CTNNA3: variants seen among roughly 807,000 people sequenced by gnomAD.
CTNNA3 encodes the protein catenin alpha-3.
A neutral mutation model predicts 95.7 loss-of-function variants in CTNNA3; 76 were observed. That is an observed-to-expected ratio of 0.79 (90% CI 0.66 to 0.96). The LOEUF is 0.96. Ranked by LOEUF, CTNNA3 falls within the 40% of genes least tolerant of loss-of-function variation. The pLI is 0.00. For synonymous variants in CTNNA3, 431 were observed against 374.4 expected (o/e 1.15, Z -1.74); for missense variants, 1,191 against 1,089.8 (o/e 1.09, Z -1.31).
chr10:65,998,669 T>C (rs1051982933), intron 15 of CTNNA3, among the ~76,000 whole-genome samples: 1 of 152,198 alleles, frequency 6.6e-6, no homozygotes. Flanking sequence ...CAAAATACAG[T>C]TGCTTAAGAA....
At chr10:66,370,059 C>A (rs56127430) in intron 12 of CTNNA3, among the ~76,000 whole-genome samples, 11,978 of 152,138 alleles carry the variant, frequency 0.079, 600 homozygotes, top group East Asian at 0.21. Context: ...GAAATGCAAT[C>A]TGATTTACAC....
intron 8 of CTNNA3, among the ~76,000 whole-genome samples, chr10:66,772,770 C>T (rs1840146713): frequency 1.3e-5 from 2 of 152,128 alleles, no homozygotes. Context: ...AATCCAATCA[C>T]CCTCTGAACT....
At chr10:66,649,741 T>C (rs1845829892) in intron 9 of CTNNA3, among the ~76,000 whole-genome samples, 1 of 152,190 alleles carries the variant, frequency 6.6e-6, no homozygotes, top group Admixed American at 6.5e-5. Flanking sequence ...CCAGCAGCCC[T>C]AGGCTCGGGA....
At chr10:66,905,398 A>C (rs1845943672) in intron 7 of CTNNA3, among the ~76,000 whole-genome samples, 1 of 152,184 alleles carries the variant, frequency 6.6e-6, no homozygotes, top group Non-Finnish European at 1.5e-5. Context: ...AAGGGATAGC[A>C]TTAGGCGAAA....
chr10:66,604,769 T>A, intron 10 of CTNNA3, among the ~76,000 whole-genome samples: 1 of 133,646 alleles, frequency 7.5e-6, no homozygotes, highest in African/African-American at 2.9e-5. Context: ...ACCCTCAGGG[T>A]CATCAAATAG....
intron 5 of CTNNA3, among the ~76,000 whole-genome samples, chr10:67,389,194 C>T (rs1290834829): frequency 6.6e-6 from 1 of 151,310 alleles, no homozygotes; most frequent in East Asian, 1.9e-4. Flanking sequence ...CACATAGGCT[C>T]AAAATAAAGG....
intron 15 of CTNNA3, among the ~76,000 whole-genome samples, chr10:66,011,809 A>G (rs915544702): frequency 3.3e-5 from 5 of 152,198 alleles, no homozygotes; most frequent in Non-Finnish European, 7.3e-5. Flanking sequence ...GTTTACCAAG[A>G]CACTTTAGAA....
chr10:66,679,759 C>T (rs1292742195), intron 9 of CTNNA3, among the ~76,000 whole-genome samples: 2 of 152,190 alleles, frequency 1.3e-5, no homozygotes, highest in Non-Finnish European at 2.9e-5. Context: ...TAAAGTTGGA[C>T]TGTGACTTAC....
chr10:65,989,588 A>G (rs1019754798), intron 15 of CTNNA3, among the ~76,000 whole-genome samples: 1 of 148,738 alleles, frequency 6.7e-6, no homozygotes, highest in African/African-American at 2.4e-5. Context: ...AAATTTATTG[A>G]TGGTAAAATT....
chr10:66,353,773 G>C (rs539387207), intron 12 of CTNNA3, among the ~76,000 whole-genome samples: 1 of 151,962 alleles, frequency 6.6e-6, no homozygotes, highest in Admixed American at 6.6e-5. Flanking sequence ...AATCAACCCA[G>C]GGATAGTTTT....
chr10:67,170,599 A>G (rs1250010657), intron 7 of CTNNA3, among the ~76,000 whole-genome samples: 1 of 152,174 alleles, frequency 6.6e-6, no homozygotes, highest in Non-Finnish European at 1.5e-5. Context: ...AGAAAACAGT[A>G]AACACTGGAC....
chr10:66,484,920 G>A (rs544576361), intron 11 of CTNNA3, among the ~76,000 whole-genome samples: 1 of 152,158 alleles, frequency 6.6e-6, no homozygotes, highest in South Asian at 2.1e-4. Flanking sequence ...GCAGATGCAA[G>A]GATGATTCAA....
chr10:66,645,792 C>A (rs1845687912), intron 9 of CTNNA3, among the ~76,000 whole-genome samples: 1 of 152,154 alleles, frequency 6.6e-6, no homozygotes, highest in Non-Finnish European at 1.5e-5. Context: ...TGAGGTGGCA[C>A]AGTTTCATCT....
At chr10:66,379,056 AAC>A in intron 12 of CTNNA3, 94 bp downstream of exon 12, 2 of 1,068,642 alleles carry the variant, frequency 1.9e-6, no homozygotes, top group Non-Finnish European at 2.8e-6. Flanking sequence ...CAAAAGAAGC[AAC>A]ACAGACTAGA....
chr10:66,521,741 T>C (rs768651787), intron 10 of CTNNA3, among the ~76,000 whole-genome samples: 3 of 152,214 alleles, frequency 2.0e-5, no homozygotes, highest in Admixed American at 6.5e-5. Context: ...ACCCTTGTTC[T>C]TGACTGGTCT....
At chr10:66,744,310 A>G (rs1849430785) in intron 9 of CTNNA3, among the ~76,000 whole-genome samples, 1 of 152,190 alleles carries the variant, frequency 6.6e-6, no homozygotes, top group African/African-American at 2.4e-5. Flanking sequence ...GTTTCTTCAA[A>G]TAATTAAGGA....
chr10:66,444,653 C>T (rs1292894042), intron 11 of CTNNA3, among the ~76,000 whole-genome samples: 1 of 152,030 alleles, frequency 6.6e-6, no homozygotes, highest in Non-Finnish European at 1.5e-5. Flanking sequence ...CAGGCCTGCC[C>T]TAAAAGAGCT....
chr10:66,919,311 A>G (rs938978125), intron 7 of CTNNA3, among the ~76,000 whole-genome samples: 2 of 152,212 alleles, frequency 1.3e-5, no homozygotes, highest in Admixed American at 1.3e-4. Context: ...ACTTTTGCGT[A>G]TGCTTTACCT....
chr10:66,529,481 C>T (rs12263703), intron 10 of CTNNA3, among the ~76,000 whole-genome samples: 1 of 142,872 alleles, frequency 7.0e-6, no homozygotes. Flanking sequence ...AACCTATCTT[C>T]TGAAATGATA....
Sources: gnomAD v4.1 joint callset for allele counts (sites outside exome capture counted in the v4.1 genomes callset) on GRCh38, gnomAD v4.1.1 for gene constraint, MANE v1.5 for transcripts, NCBI Gene and HGNC (gene_info 2026-07-23, HGNC 2026-07-21) for gene names.